The following GAPVD1 variants were observed in gnomAD, a reference collection of about 807,000 sequenced individuals.
GAPVD1 encodes GTPase activating protein and VPS9 domains 1, also known as GTPase-activating protein and VPS9 domain-containing protein 1.
Under a neutral mutation model 155.5 loss-of-function variants are expected in GAPVD1, and 35 were observed. That is an observed-to-expected ratio of 0.23 (90% CI 0.17 to 0.30). GAPVD1 has a LOEUF of 0.30. Ranked by LOEUF, GAPVD1 falls within the 10% of genes least tolerant of loss-of-function variation. The pLI is 1.00. For synonymous variants in GAPVD1, 636 were observed against 619.7 expected, an observed-to-expected ratio of 1.03 and a Z score of -0.39; for missense variants, 1,429 against 1,775.7, an observed-to-expected ratio of 0.80 and a Z score of 3.51.
rs773679670 is a variant in GAPVD1 at position 125,350,419 on chromosome 9, G to C, written c.3409+15G>C. The C allele has an allele frequency of 6.6e-7, 1 of 1,513,168 alleles. No homozygotes were observed. The highest frequency in any genetic ancestry group is 2.3e-5 in the East Asian group (1 of 44,422). The allele number at this position is 1,513,168 out of a possible 1,614,324, so 93.7% of individuals were successfully genotyped here. On this transcript the variant is annotated intron_variant, in intron 22 of 27. Coordinates refer to ENST00000297933, the MANE Select transcript of GAPVD1 (RefSeq NM_001282680.3). ...AGACCCAGAAGGTAAATTGCTGCAGGATCGTTTAATTTTTCCTATGTTTAT... is the reference window on the plus strand; with the variant it reads ...AGACCCAGAAGGTAAATTGCTGCAGCATCGTTTAATTTTTCCTATGTTTAT...
At chr9:125,277,656 G>A (rs1836002531) in intron 2 of GAPVD1, among the ~76,000 whole-genome samples, 1 of 151,014 alleles carries the variant, frequency 6.6e-6, no homozygotes. Flanking sequence ...TGAAGGAAGT[G>A]TGTTAAGTAA....
intron 2 of GAPVD1, among the ~76,000 whole-genome samples, chr9:125,281,036 T>G (rs1836707626): frequency 6.6e-6 from 1 of 152,230 alleles, no homozygotes. Context: ...AAATTTTGTT[T>G]CATGAAGTTT....
In GAPVD1 at chr9:125,337,579, C is replaced by T. The variant is rs1847228244; in HGVS notation, c.2865C>T (p.Ser955=). ...HSSSSSPSKD[S]SRGETEERKD... ...CATCTTCATCCCCGAGTAAGGACTC[C>T]TCAAGAGGAGAGGTATGGGACATAG... is the stretch of plus-strand genomic sequence containing the variant. The change falls in exon 17 of 28, where the codon TCC becomes TCT. Residue 955 remains serine, a synonymous_variant. Transcript: ENST00000297933. 3 of 1,613,630 alleles carry T rather than the reference C, an allele frequency of 1.9e-6. No individual in the cohort carries two copies. Among genetic ancestry groups the T allele is most frequent in the East Asian group, 2.2e-5 (1 of 44,880 alleles).
At chr9:125,306,298 G>C (rs1588825582) in intron 6 of GAPVD1, among the ~76,000 whole-genome samples, 1 of 152,294 alleles carries the variant, frequency 6.6e-6, no homozygotes, top group East Asian at 1.9e-4. Context: ...GAGTAGCTGG[G>C]ATTATAGGCG....
chr9:125,357,137 C>T (rs1041392163), intron 25 of GAPVD1, among the ~76,000 whole-genome samples: 7 of 152,204 alleles, frequency 4.6e-5, no homozygotes, highest in African/African-American at 1.7e-4. Flanking sequence ...TGTTCTTAAT[C>T]ACTGGTTTGT....
intron 3 of GAPVD1, among the ~76,000 whole-genome samples, chr9:125,297,525 G>A (rs1296579195): frequency 6.6e-6 from 1 of 152,200 alleles, no homozygotes; most frequent in African/African-American, 2.4e-5. Flanking sequence ...AGAGAGGTCA[G>A]CAAATGTGGA....
chr9:125,366,886 A>T lies in GAPVD1; in HGVS notation c.*4140A>T, dbSNP rs1351862424. On this transcript the variant is annotated 3_prime_UTR_variant, in exon 28 of 28. Coordinates refer to ENST00000297933, the MANE Select transcript of GAPVD1 (RefSeq NM_001282680.3). ...GGAGCTGCCGCATCCCACAGGCCTGAGCTCAGCAAGGGTTCAATTCAAGAG... is the reference window on the plus strand; with the variant it reads ...GGAGCTGCCGCATCCCACAGGCCTGTGCTCAGCAAGGGTTCAATTCAAGAG... 1 of 152,198 alleles carries T rather than the reference A, an allele frequency of 6.6e-6. No homozygotes were observed. Among genetic ancestry groups the T allele is most frequent in the African/African-American group, 2.4e-5 (1 of 41,442 alleles). 9.4% of individuals were successfully genotyped at this position (152,198 alleles called of 1,614,324 possible). A position where few individuals can be genotyped will look rare whatever the true frequency, so the allele number is the denominator to read the frequency against.
intron 1 of GAPVD1, among the ~76,000 whole-genome samples, chr9:125,262,333 T>G (rs1296248792): frequency 6.6e-6 from 1 of 152,118 alleles, no homozygotes; most frequent in African/African-American, 2.4e-5. Context: ...GAATGTCTTC[T>G]GAGTGTCGCT....
At chr9:125,349,650 TAAG>T (rs1473105007) in intron 21 of GAPVD1, 131 bp downstream of exon 21, 1 of 736,524 alleles carries the variant, frequency 1.4e-6, no homozygotes, top group Non-Finnish European at 2.2e-6. Flanking sequence ...TGCTGTTTAC[TAAG>T]AAGACTTTGT....
chr9:125,311,479 A>G (rs1164023906), intron 8 of GAPVD1, among the ~76,000 whole-genome samples: 3 of 151,922 alleles, frequency 2.0e-5, no homozygotes, highest in Non-Finnish European at 2.9e-5. Flanking sequence ...AAATTCACCA[A>G]GTGTGGTGGT....
At chr9:125,269,413 T>A (rs888805812) in intron 2 of GAPVD1, among the ~76,000 whole-genome samples, 1 of 152,180 alleles carries the variant, frequency 6.6e-6, no homozygotes, top group African/African-American at 2.4e-5. Context: ...ACACTTGAAC[T>A]ACCTAAACTT....
intron 9 of GAPVD1, among the ~76,000 whole-genome samples, chr9:125,316,722 T>G (rs1211424843): frequency 6.6e-6 from 1 of 152,218 alleles, no homozygotes; most frequent in Non-Finnish European, 1.5e-5. Flanking sequence ...GTCTTTATAG[T>G]AGAATGATTT....
intron 2 of GAPVD1, among the ~76,000 whole-genome samples, chr9:125,272,210 G>A (rs1835030111): frequency 6.6e-6 from 1 of 152,098 alleles, no homozygotes; most frequent in Non-Finnish European, 1.5e-5. Flanking sequence ...TTTTAATAGA[G>A]AAGGGGTTTC....
At chr9:125,285,854 G>A (rs1349350692) in intron 2 of GAPVD1, among the ~76,000 whole-genome samples, 1 of 152,024 alleles carries the variant, frequency 6.6e-6, no homozygotes, top group African/African-American at 2.4e-5. Flanking sequence ...TGTTGGTCAG[G>A]CTGGAGTGCA....
At chr9:125,331,583 T>C (rs539905594) in intron 13 of GAPVD1, among the ~76,000 whole-genome samples, 9 of 152,344 alleles carry the variant, frequency 5.9e-5, no homozygotes, top group Admixed American at 3.3e-4. Context: ...TACCAGCTGT[T>C]GAGTATTCAT....
intron 17 of GAPVD1, among the ~76,000 whole-genome samples, chr9:125,338,846 GTAACTA>G (rs1847407182): frequency 6.6e-6 from 1 of 151,818 alleles, no homozygotes; most frequent in African/African-American, 2.4e-5. Flanking sequence ...TTAAAAATAT[GTAACTA>G]TCTGTTCTCC....
chr9:125,309,623 C>T (rs1482846007), intron 8 of GAPVD1, among the ~76,000 whole-genome samples: 4 of 152,196 alleles, frequency 2.6e-5, no homozygotes, highest in Non-Finnish European at 5.9e-5. Context: ...GTGTGAGCCA[C>T]CGTGCCCGGG....
At chr9:125,288,959 A>G (rs912795633) in intron 2 of GAPVD1, among the ~76,000 whole-genome samples, 2 of 152,188 alleles carry the variant, frequency 1.3e-5, no homozygotes, top group African/African-American at 2.4e-5. Context: ...TACTTTGGTA[A>G]AGACCTAAAG....
intron 13 of GAPVD1, among the ~76,000 whole-genome samples, chr9:125,331,327 A>G (rs992667040): frequency 2.0e-5 from 3 of 152,040 alleles, no homozygotes; most frequent in Non-Finnish European, 4.4e-5. Context: ...CAGCCTCCCA[A>G]GTAGCTGGGA....
Sources: allele counts gnomAD v4.1 joint callset (sites outside exome capture counted in the v4.1 genomes callset), GRCh38; gene constraint gnomAD v4.1.1; transcripts MANE v1.5; gene names NCBI Gene and HGNC (gene_info 2026-07-23, HGNC 2026-07-21).